Variants in SEPHS1 observed in about 807,000 individuals in gnomAD.
The protein encoded by SEPHS1 is zincore component SEPHS1.
In SEPHS1, 7 loss-of-function variants were observed where a neutral mutation model predicts 39.2. The observed-to-expected ratio is 0.18, with a 90% CI of 0.10 to 0.34. SEPHS1 has a LOEUF of 0.34. Among genes scored for constraint, SEPHS1 ranks in the 10% least tolerant of loss-of-function variants. The pLI, the probability that SEPHS1 is intolerant of heterozygous loss-of-function variation, is 1.00. For synonymous variants in SEPHS1, 190 were observed against 195.5 expected, an observed-to-expected ratio of 0.97 and a Z score of 0.23; for missense variants, 253 against 514.5, an observed-to-expected ratio of 0.49 and a Z score of 4.92.
At chr10:13,335,681 T>C (rs573209431) in intron 4 of SEPHS1, among the ~76,000 whole-genome samples, 1 of 109,752 alleles carries the variant, frequency 9.1e-6, no homozygotes, top group Non-Finnish European at 1.9e-5. Context: ...CAAAAAAAAA[T>C]ATACACAAAT....
intron 5 of SEPHS1, among the ~76,000 whole-genome samples, chr10:13,331,056 C>T (rs374528371): frequency 1.3e-5 from 2 of 152,078 alleles, no homozygotes; most frequent in East Asian, 3.9e-4. Context: ...CATTGTTCAA[C>T]TCCCACCTAT....
At chr10:13,344,544 C>T (rs1307358576) in intron 2 of SEPHS1, among the ~76,000 whole-genome samples, 1 of 151,908 alleles carries the variant, frequency 6.6e-6, no homozygotes, top group Non-Finnish European at 1.5e-5. Context: ...AAAGGGGGTA[C>T]GATGTACACT....
chr10:13,345,107 C>T (rs756519420), intron 1 of SEPHS1, 79 bp from the exon 2 acceptor site: 1 of 581,158 alleles, frequency 1.7e-6, no homozygotes, highest in Non-Finnish European at 2.8e-6. Context: ...GAATACATGA[C>T]AGCGAAAAGT....
At chr10:13,332,167 C>T (rs1588540219) in intron 5 of SEPHS1, among the ~76,000 whole-genome samples, 1 of 152,222 alleles carries the variant, frequency 6.6e-6, no homozygotes, top group African/African-American at 2.4e-5. Flanking sequence ...CAGGGTCCAT[C>T]CATGCAATGG....
At chr10:13,344,649 G>A (rs926013408) in intron 2 of SEPHS1, 109 bp downstream of exon 2, 6 of 795,468 alleles carry the variant, frequency 7.5e-6, no homozygotes, top group Non-Finnish European at 1.1e-5. Flanking sequence ...ATCTATAAAA[G>A]CAAAAAAAGT....
At chr10:13,333,695 C>T in intron 5 of SEPHS1, 122 bp downstream of exon 5, 6 of 993,740 alleles carry the variant, frequency 6.0e-6, no homozygotes, top group Non-Finnish European at 9.0e-6. Context: ...CCCGCCTCGG[C>T]CTACCAAAGT....
intron 5 of SEPHS1, among the ~76,000 whole-genome samples, chr10:13,331,747 C>T (rs540528168): frequency 6.6e-6 from 1 of 152,322 alleles, no homozygotes; most frequent in South Asian, 2.1e-4. Flanking sequence ...AGGAGAGAAA[C>T]TTCTCCAAAG....
At chr10:13,325,159 A>G (rs1413429155) in intron 7 of SEPHS1, among the ~76,000 whole-genome samples, 2 of 152,128 alleles carry the variant, frequency 1.3e-5, no homozygotes, top group Non-Finnish European at 2.9e-5. Flanking sequence ...AGTTTTTTAT[A>G]TTAATAAAGC....
chr10:13,328,711 G>A (rs1209013845), intron 6 of SEPHS1, among the ~76,000 whole-genome samples: 1 of 152,168 alleles, frequency 6.6e-6, no homozygotes, highest in Non-Finnish European at 1.5e-5. Flanking sequence ...GTAGTCTAGC[G>A]GGACACACGG....
At chr10:13,341,950 G>A (rs1474224955) in intron 2 of SEPHS1, among the ~76,000 whole-genome samples, 5 of 147,888 alleles carry the variant, frequency 3.4e-5, no homozygotes, top group Non-Finnish European at 7.4e-5. Flanking sequence ...ACTCAAGCCT[G>A]GGTGATGGAG....
chr10:13,340,630 G>T (rs561402674), intron 2 of SEPHS1: 1 of 152,332 alleles, frequency 6.6e-6, no homozygotes, highest in South Asian at 2.1e-4. Flanking sequence ...AACTAAAATT[G>T]TTGCTGAATG....
chr10:13,319,788 C>A (rs1833047249), intron 8 of SEPHS1, among the ~76,000 whole-genome samples: 1 of 152,124 alleles, frequency 6.6e-6, no homozygotes, highest in South Asian at 2.1e-4. Flanking sequence ...CCTAAGAGGC[C>A]TGTTCTATGC....
chr10:13,327,232 T>G (rs1025707915), intron 7 of SEPHS1, among the ~76,000 whole-genome samples: 6 of 105,146 alleles, frequency 5.7e-5, no homozygotes, highest in African/African-American at 2.4e-4. Context: ...CAGAGTTAGA[T>G]TCTGTCTCAA....
Position 13,317,438 on chromosome 10 carries a change from T to G in SEPHS1, c.*1704A>C, listed in dbSNP as rs1211165183. 1.3e-5 allele frequency: 2 copies of G among 150,438 alleles called. No homozygotes were observed. Among genetic ancestry groups the G allele is most frequent in the East Asian group, 3.9e-4 (2 of 5,066 alleles). The allele number at this position is 150,438 out of a possible 1,614,324, so 9.3% of individuals were successfully genotyped here. On this transcript the variant is annotated 3_prime_UTR_variant, in exon 9 of 9. Transcript: ENST00000327347. ...AAGCTCAACAGTAGGTTTATCTCAC[T>G]AGAGGTTTCCAACACACTTTATTTT...
intron 1 of SEPHS1, among the ~76,000 whole-genome samples, chr10:13,346,136 T>G (rs1366363378): frequency 1.3e-5 from 2 of 152,174 alleles, no homozygotes; most frequent in Non-Finnish European, 2.9e-5. Context: ...AACAATAAAT[T>G]AAGCCATACT....
chr10:13,339,397 ACT>A (rs558629553), intron 2 of SEPHS1, among the ~76,000 whole-genome samples: 34 of 152,146 alleles, frequency 2.2e-4, no homozygotes, highest in African/African-American at 8.2e-4. Context: ...GGATATAAAC[ACT>A]CTGGCATCTA....
chr10:13,321,523 C>T (rs960078893), intron 8 of SEPHS1, among the ~76,000 whole-genome samples: 2 of 152,142 alleles, frequency 1.3e-5, no homozygotes, highest in Non-Finnish European at 2.9e-5. Flanking sequence ...AGCCACCAGG[C>T]CTGGCCGGCA....
At chr10:13,346,146 T>C (rs1353304865) in intron 1 of SEPHS1, among the ~76,000 whole-genome samples, 1 of 152,196 alleles carries the variant, frequency 6.6e-6, no homozygotes, top group Non-Finnish European at 1.5e-5. Context: ...TAAGCCATAC[T>C]AAATCAGCAG....
In SEPHS1 at chr10:13,324,464, C is replaced by T. The variant is rs190327283; in HGVS notation, c.752-1417G>A. On this transcript the variant is annotated intron_variant, in intron 7 of 8. Transcript: ENST00000327347. ...TTGAGTGAATATCAAGGAGCACAATCGCTGCATCATATAATAACATATTTA... is the reference window on the plus strand; with the variant it reads ...TTGAGTGAATATCAAGGAGCACAATTGCTGCATCATATAATAACATATTTA... Among the ~76,000 whole-genome samples, 415 of 152,302 alleles carry T rather than the reference C, an allele frequency of 2.7e-3. 2 individuals are homozygous for T. Among genetic ancestry groups the T allele is most frequent in the African/African-American group, 9.4e-3 (391 of 41,578 alleles).
Sources: gnomAD v4.1 joint callset for allele counts (sites outside exome capture counted in the v4.1 genomes callset) on GRCh38, gnomAD v4.1.1 for gene constraint, MANE v1.5 for transcripts, NCBI Gene and HGNC (gene_info 2026-07-23, HGNC 2026-07-21) for gene names.